NAV3: variants seen among roughly 807,000 people sequenced by gnomAD.
NAV3 encodes neuron navigator 3, also known as pore membrane and/or filament interacting like protein 1.
Under a neutral mutation model 244.7 loss-of-function variants are expected in NAV3, and 87 were observed. That is an observed-to-expected ratio of 0.36 (90% CI 0.30 to 0.42). The LOEUF (loss-of-function observed/expected upper bound fraction) is 0.42. Among genes scored for constraint, NAV3 ranks in the 20% least tolerant of loss-of-function variants. The probability of loss-of-function intolerance (pLI) is 1.00; values close to 1 mark genes in which losing one functional copy is unlikely to be tolerated. For synonymous variants in NAV3, 1,126 were observed against 1,042.2 expected, an observed-to-expected ratio of 1.08 and a Z score of -1.55; for missense variants, 2,663 against 2,893.3, an observed-to-expected ratio of 0.92 and a Z score of 1.83.
At chr12:78,041,492 T>C (rs1880850038) in intron 9 of NAV3, among the ~76,000 whole-genome samples, 1 of 152,186 alleles carries the variant, frequency 6.6e-6, no homozygotes, top group Admixed American at 6.5e-5. Context: ...TGTAAATTTG[T>C]TCATTTGGTT....
At chr12:78,027,685 G>A (rs1353759528) in intron 9 of NAV3, among the ~76,000 whole-genome samples, 1 of 152,124 alleles carries the variant, frequency 6.6e-6, no homozygotes, top group Non-Finnish European at 1.5e-5. Context: ...AGCCCCTTTA[G>A]CTGCTATGTA....
chr12:77,800,246 G>A (rs1409137813), intron 2 of NAV3, among the ~76,000 whole-genome samples: 2 of 152,150 alleles, frequency 1.3e-5, no homozygotes, highest in Admixed American at 6.5e-5. Flanking sequence ...AAAGGACTTT[G>A]TATTTATGGG....
chr12:77,948,687 CA>C (rs140330737), intron 3 of NAV3, among the ~76,000 whole-genome samples: 15,037 of 138,152 alleles, frequency 0.11, 1,109 homozygotes, highest in East Asian at 0.23. Context: ...ATTGCCCCCC[CA>C]CCACTGCCAA....
intron 2 of NAV3, among the ~76,000 whole-genome samples, chr12:77,648,970 A>G (rs1872714201): frequency 1.3e-5 from 2 of 152,142 alleles, no homozygotes; most frequent in African/African-American, 4.8e-5. Context: ...GGTGGTCCAG[A>G]TAGAATCAGT....
intron 30 of NAV3, among the ~76,000 whole-genome samples, chr12:78,183,242 T>A (rs1467841731): frequency 6.6e-6 from 1 of 151,940 alleles, no homozygotes; most frequent in Admixed American, 6.6e-5. Flanking sequence ...AGTTGTTTCA[T>A]CAGGTGACCA....
intron 9 of NAV3, among the ~76,000 whole-genome samples, chr12:78,037,730 G>A (rs944025531): frequency 3.3e-5 from 5 of 151,914 alleles, no homozygotes; most frequent in African/African-American, 1.2e-4. Context: ...TCATTAAAGG[G>A]GCCTATTTGT....
chr12:77,807,034 A>C (rs1039104265), intron 2 of NAV3, among the ~76,000 whole-genome samples: 6 of 152,064 alleles, frequency 3.9e-5, no homozygotes, highest in Non-Finnish European at 8.8e-5. Flanking sequence ...TGCTTGATAA[A>C]CATTCCTCCA....
intron 1 of NAV3, among the ~76,000 whole-genome samples, chr12:77,909,463 G>C (rs1398687800): frequency 6.6e-6 from 1 of 151,794 alleles, no homozygotes; most frequent in Non-Finnish European, 1.5e-5. Flanking sequence ...AGAAAGAAAA[G>C]AAACAGTATG....
At chr12:78,139,720 C>A (rs183410263) in intron 19 of NAV3, among the ~76,000 whole-genome samples, 1 of 151,080 alleles carries the variant, frequency 6.6e-6, no homozygotes, top group Admixed American at 6.6e-5. Flanking sequence ...TGAGACATCA[C>A]CTTGAAAAAA....
intron 22 of NAV3, among the ~76,000 whole-genome samples, chr12:78,155,064 G>T (rs993701233): frequency 2.6e-5 from 4 of 151,934 alleles, no homozygotes; most frequent in African/African-American, 9.7e-5. Context: ...AGGATATGCA[G>T]GTTTGTTACA....
At chr12:77,724,214 G>T (rs1876774310) in intron 2 of NAV3, among the ~76,000 whole-genome samples, 2 of 151,606 alleles carry the variant, frequency 1.3e-5, no homozygotes, top group Non-Finnish European at 2.9e-5. Context: ...TAAAATTTTG[G>T]CTGTGACCAT....
At chr12:77,974,092 G>A (rs187218040) in intron 5 of NAV3, among the ~76,000 whole-genome samples, 133 of 151,900 alleles carry the variant, frequency 8.8e-4, no homozygotes, top group African/African-American at 3.1e-3. Flanking sequence ...CTGGTGTTTC[G>A]GTTGTTATAG....
chr12:77,655,071 C>T (rs186436879), intron 2 of NAV3, among the ~76,000 whole-genome samples: 21 of 152,322 alleles, frequency 1.4e-4, no homozygotes, highest in Admixed American at 4.6e-4. Context: ...TCCAAAGGAT[C>T]GCACTTCCTC....
At chr12:78,184,580 AT>A in intron 30 of NAV3, among the ~76,000 whole-genome samples, 1 of 151,850 alleles carries the variant, frequency 6.6e-6, no homozygotes, top group Non-Finnish European at 1.5e-5. Context: ...ATCTTAGAGT[AT>A]TTTTATTGCT....
intron 11 of NAV3, among the ~76,000 whole-genome samples, chr12:78,051,981 C>T (rs11832439): frequency 0.024 from 3,616 of 152,248 alleles, 133 homozygotes; most frequent in African/African-American, 0.08. Flanking sequence ...TGGGAACTAA[C>T]GCTAGGGAAA....
At chr12:78,121,800 G>T (rs1030914855) in intron 15 of NAV3, 140 bp from the exon 16 acceptor site, 25 of 1,097,192 alleles carry the variant, frequency 2.3e-5, no homozygotes, top group Non-Finnish European at 3.2e-5. Flanking sequence ...GCTTATAAAA[G>T]TTCATTAACA....
At chr12:77,588,469 G>C (rs916454531) in intron 2 of NAV3, among the ~76,000 whole-genome samples, 2 of 152,062 alleles carry the variant, frequency 1.3e-5, no homozygotes, top group African/African-American at 4.8e-5. Context: ...GAATAACCCC[G>C]TGGGGCACTT....
At chr12:78,123,873 C>A (rs1459828834) in intron 16 of NAV3, among the ~76,000 whole-genome samples, 2 of 152,136 alleles carry the variant, frequency 1.3e-5, no homozygotes. Flanking sequence ...CCTGTAAAAT[C>A]TTTGATTCTA....
intron 1 of NAV3, among the ~76,000 whole-genome samples, chr12:77,846,889 G>T (rs1876728281): frequency 6.6e-6 from 1 of 151,972 alleles, no homozygotes; most frequent in Admixed American, 6.6e-5. Context: ...TGTTGGCAAT[G>T]AAAATAATAC....
Sources: gnomAD v4.1 joint callset for allele counts (sites outside exome capture counted in the v4.1 genomes callset) on GRCh38, gnomAD v4.1.1 for gene constraint, MANE v1.5 for transcripts, NCBI Gene and HGNC (gene_info 2026-07-23, HGNC 2026-07-21) for gene names.